The following FHIT variants were observed in gnomAD, a reference collection of about 807,000 sequenced individuals.
FHIT encodes the protein bis(5'-adenosyl)-triphosphatase.
A neutral mutation model predicts 17.9 loss-of-function variants in FHIT; 19 were observed. The observed-to-expected ratio is 1.06, with a 90% CI of 0.74 to 1.56. The LOEUF is 1.56. FHIT is among the 40% of genes most tolerant of loss of function. The probability of loss-of-function intolerance (pLI) is 0.00; values close to 1 mark genes in which losing one functional copy is unlikely to be tolerated. For synonymous variants in FHIT, 81 were observed against 69.7 expected (o/e 1.16, Z -0.81); for missense variants, 248 against 189.2 (o/e 1.31, Z -1.82).
At chr3:60,363,245 A>G (rs6773303) in intron 5 of FHIT, among the ~76,000 whole-genome samples, 90,962 of 152,034 alleles carry the variant, frequency 0.6, 28,980 homozygotes, top group African/African-American at 0.79. Context: ...TTGTGTCCCC[A>G]CTGAATCACT....
chr3:59,786,203 C>T (rs1699281313), intron 8 of FHIT, among the ~76,000 whole-genome samples: 1 of 152,136 alleles, frequency 6.6e-6, no homozygotes, highest in Non-Finnish European at 1.5e-5. Flanking sequence ...GCTGACCCAC[C>T]TCCTCCTGGA....
intron 3 of FHIT, among the ~76,000 whole-genome samples, chr3:60,863,501 G>C (rs1159284821): frequency 6.6e-6 from 1 of 151,948 alleles, no homozygotes; most frequent in Non-Finnish European, 1.5e-5. Context: ...GAAAAGAAAG[G>C]GTTTAAGAAA....
chr3:60,006,882 G>T (rs1417426111), intron 7 of FHIT, among the ~76,000 whole-genome samples: 1 of 152,114 alleles, frequency 6.6e-6, no homozygotes, highest in African/African-American at 2.4e-5. Context: ...ACTTCTCAGT[G>T]AACAGAAGAG....
intron 5 of FHIT, among the ~76,000 whole-genome samples, chr3:60,445,396 T>C (rs2031255076): frequency 6.6e-6 from 1 of 151,924 alleles, no homozygotes; most frequent in Non-Finnish European, 1.5e-5. Context: ...GAAGCAATTA[T>C]GATACGTTTC....
chr3:60,905,853 G>A (rs782711259), intron 3 of FHIT, among the ~76,000 whole-genome samples: 1 of 152,168 alleles, frequency 6.6e-6, no homozygotes, highest in Admixed American at 6.5e-5. Flanking sequence ...AGTAAAAATG[G>A]AGCTGGAAGG....
chr3:60,381,041 A>G (rs1700779382), intron 5 of FHIT, among the ~76,000 whole-genome samples: 1 of 152,202 alleles, frequency 6.6e-6, no homozygotes, highest in South Asian at 2.1e-4. Flanking sequence ...GATTTTTAAC[A>G]TAACCAAAAA....
At chr3:61,069,343 G>A (rs1456701048) in intron 2 of FHIT, among the ~76,000 whole-genome samples, 1 of 152,148 alleles carries the variant, frequency 6.6e-6, no homozygotes, top group Non-Finnish European at 1.5e-5. Context: ...CATCTTAGGA[G>A]CTTTAAAAAG....
At chr3:60,075,567 G>A (rs1702968463) in intron 5 of FHIT, among the ~76,000 whole-genome samples, 1 of 152,092 alleles carries the variant, frequency 6.6e-6, no homozygotes, top group Non-Finnish European at 1.5e-5. Flanking sequence ...AGAAGGTTAA[G>A]CAGGTTTCTG....
intron 5 of FHIT, among the ~76,000 whole-genome samples, chr3:60,160,084 T>C (rs4679643): frequency 0.19 from 28,528 of 152,034 alleles, 3,411 homozygotes; most frequent in East Asian, 0.33. Context: ...CTGTGCTGCA[T>C]GACTCAAATG....
intron 4 of FHIT, among the ~76,000 whole-genome samples, chr3:60,625,432 T>A (rs1321930496): frequency 6.6e-6 from 1 of 152,188 alleles, no homozygotes; most frequent in East Asian, 1.9e-4. Context: ...TTCCTCTATG[T>A]CTTCTTTTCA....
rs564398391 is a variant in FHIT at position 60,838,470 on chromosome 3, T to TCAAAAA, written c.-110-16465_-110-16460dup. 5.1e-4 allele frequency among the ~76,000 whole-genome samples: 77 copies of TCAAAAA among 152,196 alleles called. 1 individual carries two copies. The East Asian group carries it at 0.011, about 22-fold the overall frequency. On this transcript the variant is annotated intron_variant, in intron 3 of 9. Coordinates refer to ENST00000492590, the MANE Select transcript of FHIT (RefSeq NM_002012.4). ...CTGGGCGACAGAGCAAGACTCCGTC[T>TCAAAAA]CAAAAACAAAAACAAAAACAAACAA... is the stretch of plus-strand genomic sequence containing the variant.
chr3:60,847,192 G>A (rs1471416309), intron 3 of FHIT, among the ~76,000 whole-genome samples: 1 of 152,148 alleles, frequency 6.6e-6, no homozygotes, highest in Non-Finnish European at 1.5e-5. Context: ...TCAATAGGGT[G>A]CTACATTTTA....
At chr3:61,188,247 G>C (rs939290026) in intron 2 of FHIT, among the ~76,000 whole-genome samples, 1 of 152,072 alleles carries the variant, frequency 6.6e-6, no homozygotes, top group Non-Finnish European at 1.5e-5. Flanking sequence ...TGATAAAGGG[G>C]ATATCACCAC....
At chr3:60,128,662 C>A (rs193027260) in intron 5 of FHIT, among the ~76,000 whole-genome samples, 14 of 152,330 alleles carry the variant, frequency 9.2e-5, no homozygotes, top group African/African-American at 3.1e-4. Context: ...AAGAATTACT[C>A]TGCAACCAAC....
At chr3:61,172,496 G>A (rs1223622499) in intron 2 of FHIT, among the ~76,000 whole-genome samples, 1 of 152,178 alleles carries the variant, frequency 6.6e-6, no homozygotes, top group East Asian at 1.9e-4. Flanking sequence ...GAAATGGAAG[G>A]AGACTGACAT....
chr3:60,760,816 G>C (rs1699623490), intron 4 of FHIT, among the ~76,000 whole-genome samples: 1 of 152,184 alleles, frequency 6.6e-6, no homozygotes, highest in South Asian at 2.1e-4. Flanking sequence ...TGGGTAGGGA[G>C]AATGTACGTG....
Position 61,169,725 on chromosome 3 carries a change from CAT to C in FHIT, c.-164+30890_-164+30891del, listed in dbSNP as rs547074189. ...AAATGTTAAACAAAAATTATTCTGA[CAT>C]GTGTTAAAATGGTAAGGAAGACTTT... On this transcript the variant is annotated intron_variant, in intron 2 of 9. Transcript: ENST00000492590. Among the ~76,000 whole-genome samples, 32 of 152,232 alleles carry C rather than the reference CAT, an allele frequency of 2.1e-4. No individual in the cohort carries two copies. The East Asian group carries it at 4.2e-3, about 20-fold the overall frequency.
intron 3 of FHIT, among the ~76,000 whole-genome samples, chr3:60,952,247 A>C (rs1708921800): frequency 6.7e-6 from 1 of 148,832 alleles, no homozygotes; most frequent in Non-Finnish European, 1.5e-5. Flanking sequence ...CAATCCACTG[A>C]CCACAGATTG....
At chr3:60,506,430 C>G (rs981706450) in intron 5 of FHIT, among the ~76,000 whole-genome samples, 5 of 152,186 alleles carry the variant, frequency 3.3e-5, no homozygotes, top group Admixed American at 2.6e-4. Flanking sequence ...GTTTTAGAGT[C>G]AGTACACAAG....
Sources: gnomAD v4.1 joint callset for allele counts (sites outside exome capture counted in the v4.1 genomes callset) on GRCh38, gnomAD v4.1.1 for gene constraint, MANE v1.5 for transcripts, NCBI Gene and HGNC (gene_info 2026-07-23, HGNC 2026-07-21) for gene names.